ARHGAP28: variants seen among roughly 807,000 people sequenced by gnomAD.
ARHGAP28 encodes the protein Rho GTPase activating protein 28.
Under a neutral mutation model 90.7 loss-of-function variants are expected in ARHGAP28, and 56 were observed. The observed-to-expected ratio is 0.62, with a 90% CI of 0.50 to 0.77. The LOEUF is 0.77. ARHGAP28 is among the 30% of genes least tolerant of loss of function. The probability of loss-of-function intolerance (pLI) is 0.00; values close to 1 mark genes in which losing one functional copy is unlikely to be tolerated. For missense variants in ARHGAP28, 869 were observed against 900.9 expected (o/e 0.96, Z 0.45); for synonymous variants, 308 against 323.3 (o/e 0.95, Z 0.51).
chr18:6,729,794 G>T lies in ARHGAP28; in HGVS notation c.-28G>T. On this transcript the variant is annotated 5_prime_UTR_variant, in exon 1 of 18. Transcript: ENST00000383472. Reference sequence around the variant, plus strand: ...TGCTGGTCCCGGTCTTTGTTCTGGGGCCGGCGCCGAGACATGCGCGGCTGA... The same window carrying T: ...TGCTGGTCCCGGTCTTTGTTCTGGGTCCGGCGCCGAGACATGCGCGGCTGA... 1 of 1,382,760 alleles carries T rather than the reference G, an allele frequency of 7.2e-7. No individual in the cohort carries two copies. Among genetic ancestry groups the T allele is most frequent in the Non-Finnish European group, 9.3e-7 (1 of 1,071,124 alleles). The allele number at this position is 1,382,760 out of a possible 1,614,324, so 85.7% of individuals were successfully genotyped here. A position where few individuals can be genotyped will look rare whatever the true frequency, so the allele number is the denominator to read the frequency against.
intron 1 of ARHGAP28, among the ~76,000 whole-genome samples, chr18:6,795,108 C>T (rs777376800): frequency 2.0e-5 from 3 of 152,100 alleles, no homozygotes; most frequent in Non-Finnish European, 4.4e-5. Context: ...AGAATATTTT[C>T]CTGGGTATTC....
chr18:6,770,742 C>T (rs1018788611), intron 1 of ARHGAP28, among the ~76,000 whole-genome samples: 2 of 152,120 alleles, frequency 1.3e-5, no homozygotes, highest in Non-Finnish European at 2.9e-5. Context: ...ATGCCTCCAG[C>T]CCTTGGGCAG....
chr18:6,839,449 A>G (rs781207970), intron 3 of ARHGAP28, among the ~76,000 whole-genome samples: 26 of 151,950 alleles, frequency 1.7e-4, no homozygotes, highest in South Asian at 4.2e-4. Context: ...GCCAGCCACC[A>G]CGCCTGGCTA....
chr18:6,912,004 C>T lies in ARHGAP28; in HGVS notation c.2096-56C>T, dbSNP rs375572557. 1.2e-4 allele frequency: 136 copies of T among 1,126,488 alleles called. 1 individual carries two copies. Among genetic ancestry groups the T allele is most frequent in the Non-Finnish European group, 1.1e-4 (83 of 771,896 alleles). The allele number at this position is 1,126,488 out of a possible 1,614,324, so 69.8% of individuals were successfully genotyped here. On this transcript the variant is annotated intron_variant, in intron 17 of 17. Coordinates refer to ENST00000383472, the MANE Select transcript of ARHGAP28 (RefSeq NM_001366230.1). ...AAACACACACAGACACATATGTGTG[C>T]GCACGCACACACACACAAATGTACA...
chr18:6,911,960 A>T, intron 17 of ARHGAP28, 100 bp from the exon 18 acceptor site: 1 of 643,236 alleles, frequency 1.6e-6, no homozygotes, highest in Non-Finnish European at 2.5e-6. Context: ...AAACTATATT[A>T]ACCTTATTTG....
In ARHGAP28 at chr18:6,904,411, T is replaced by G. The variant is rs981858951; in HGVS notation, c.2031-4549T>G. ...TCCGTCTCAAAAATGAATAAATAAATAAAATTTAAAAAATAAAATTATGTG... is the reference window on the plus strand; with the variant it reads ...TCCGTCTCAAAAATGAATAAATAAAGAAAATTTAAAAAATAAAATTATGTG... On this transcript the variant is annotated intron_variant, in intron 16 of 17. Coordinates refer to ENST00000383472, the MANE Select transcript of ARHGAP28 (RefSeq NM_001366230.1). 7.2e-5 allele frequency among the ~76,000 whole-genome samples: 11 copies of G among 152,114 alleles called. 1 individual carries two copies. Among genetic ancestry groups the G allele is most frequent in the Admixed American group, 2.0e-4 (3 of 15,270 alleles).
Position 6,912,127 on chromosome 18 carries a change from G to T in ARHGAP28, c.2163G>T (p.Trp721Cys). ...ATCGTATAAATCCTCAAGCAGAATG[G>T]GTGATTAAACCCCAACAAAGTTCTT... ...DVYRINPQAE[W>C]VIKPQQSS The change falls in exon 18 of 18, where the codon TGG (tryptophan) becomes TGT (cysteine). Residue 721 changes from tryptophan (W) to cysteine (C), a missense_variant. Coordinates refer to ENST00000383472, the MANE Select transcript of ARHGAP28 (RefSeq NM_001366230.1). 1 of 1,606,756 alleles carries T rather than the reference G, an allele frequency of 6.2e-7. No homozygotes were observed. Among genetic ancestry groups the T allele is most frequent in the Non-Finnish European group, 8.5e-7 (1 of 1,174,946 alleles).
At chr18:6,809,093 C>G (rs1378020400) in intron 1 of ARHGAP28, among the ~76,000 whole-genome samples, 1 of 152,192 alleles carries the variant, frequency 6.6e-6, no homozygotes, top group Non-Finnish European at 1.5e-5. Context: ...TCCATGTGCT[C>G]TATTTTGGAA....
chr18:6,877,746 T>C lies in ARHGAP28; in HGVS notation c.1290+1538T>C, dbSNP rs369444255. On this transcript the variant is annotated intron_variant, in intron 10 of 17. Coordinates refer to ENST00000383472, the MANE Select transcript of ARHGAP28 (RefSeq NM_001366230.1). ...TTTCTGTCTCCGTTTCTCGTGTGTT[T>C]CGTTCTTACATACTCTTCTAAAAAA... Among the ~76,000 whole-genome samples, 30 of 152,346 alleles carry C rather than the reference T, an allele frequency of 2.0e-4. No individual in the cohort carries two copies. The East Asian group carries it at 4.2e-3, about 22-fold the overall frequency.
chr18:6,896,253 C>T (rs1741090678), intron 15 of ARHGAP28, among the ~76,000 whole-genome samples: 1 of 152,110 alleles, frequency 6.6e-6, no homozygotes, highest in Non-Finnish European at 1.5e-5. Flanking sequence ...CAGTTTTTCC[C>T]CCTTAAGATT....
At chr18:6,815,227 C>G (rs2056582190) in intron 1 of ARHGAP28, among the ~76,000 whole-genome samples, 1 of 152,180 alleles carries the variant, frequency 6.6e-6, no homozygotes, top group Admixed American at 6.5e-5. Flanking sequence ...TTTAGCCTGT[C>G]ATTACGTGGA....
At chr18:6,784,083 A>G (rs11660494) in intron 1 of ARHGAP28, among the ~76,000 whole-genome samples, 51,577 of 152,022 alleles carry the variant, frequency 0.34, 11,097 homozygotes, top group Non-Finnish European at 0.47. Context: ...TGAGTTTACT[A>G]TCTACTTTCT....
At chr18:6,859,753 A>G (rs541261354) in intron 4 of ARHGAP28, 55 bp from the exon 5 acceptor site, 42 of 1,539,322 alleles carry the variant, frequency 2.7e-5, no homozygotes, top group Non-Finnish European at 3.7e-5. Context: ...GAATACACAA[A>G]CACATTAGAA....
intron 1 of ARHGAP28, among the ~76,000 whole-genome samples, chr18:6,742,961 T>C (rs142791700): frequency 5.3e-5 from 8 of 152,112 alleles, no homozygotes; most frequent in Non-Finnish European, 4.4e-5. Flanking sequence ...GATTAAGTAG[T>C]GTGGATATCA....
intron 14 of ARHGAP28, among the ~76,000 whole-genome samples, chr18:6,891,340 C>CT (rs946409987): frequency 2.5e-4 from 38 of 151,748 alleles, no homozygotes; most frequent in Admixed American, 2.4e-3. Context: ...GAGACAGAGT[C>CT]TTACTCCTCT....
At chr18:6,805,017 G>A (rs918767682) in intron 1 of ARHGAP28, among the ~76,000 whole-genome samples, 1 of 152,108 alleles carries the variant, frequency 6.6e-6, no homozygotes, top group Non-Finnish European at 1.5e-5. Context: ...TAGAGACATG[G>A]CCTTGCTATG....
chr18:6,862,011 A>G (rs987898457), intron 5 of ARHGAP28, among the ~76,000 whole-genome samples: 2 of 152,164 alleles, frequency 1.3e-5, no homozygotes, highest in Admixed American at 6.5e-5. Flanking sequence ...TAAAAGTTTC[A>G]GCAGTATTGG....
At chr18:6,826,024 A>G (rs1481816867) in intron 2 of ARHGAP28, among the ~76,000 whole-genome samples, 1 of 152,060 alleles carries the variant, frequency 6.6e-6, no homozygotes, top group Non-Finnish European at 1.5e-5. Context: ...TCTTTGAGAA[A>G]TCTCCAAGCT....
chr18:6,729,813 C>A lies in ARHGAP28; in HGVS notation c.-9C>A. The A allele has an allele frequency of 7.1e-7, 1 of 1,403,082 alleles. No individual in the cohort carries two copies. The highest frequency in any genetic ancestry group is 9.2e-7 in the Non-Finnish European group (1 of 1,081,564). The allele number at this position is 1,403,082 out of a possible 1,614,324, so 86.9% of individuals were successfully genotyped here. ...TCTGGGGCCGGCGCCGAGACATGCG[C>A]GGCTGACGATGGAGGTGGAGGACTC... On this transcript the variant is annotated 5_prime_UTR_variant, in exon 1 of 18. Coordinates refer to ENST00000383472, the MANE Select transcript of ARHGAP28 (RefSeq NM_001366230.1).
Sources: allele counts gnomAD v4.1 joint callset (sites outside exome capture counted in the v4.1 genomes callset), GRCh38; gene constraint gnomAD v4.1.1; transcripts MANE v1.5; gene names NCBI Gene and HGNC (gene_info 2026-07-23, HGNC 2026-07-21).